Variants in DAGLA observed in about 807,000 individuals in gnomAD.
DAGLA encodes the protein diacylglycerol lipase-alpha.
Under a neutral mutation model 102.6 loss-of-function variants are expected in DAGLA, and 22 were observed. That is an observed-to-expected ratio of 0.21 (90% CI 0.15 to 0.31). The LOEUF is 0.31. DAGLA is among the 10% of genes least tolerant of loss of function. The pLI, the probability that DAGLA is intolerant of heterozygous loss-of-function variation, is 1.00. For synonymous variants in DAGLA, 578 were observed against 628.9 expected, an observed-to-expected ratio of 0.92 and a Z score of 1.21; for missense variants, 927 against 1,446.6, an observed-to-expected ratio of 0.64 and a Z score of 5.83.
At chr11:61,724,094 A>G (rs909300811) in intron 5 of DAGLA, among the ~76,000 whole-genome samples, 1 of 152,156 alleles carries the variant, frequency 6.6e-6, no homozygotes, top group African/African-American at 2.4e-5. Flanking sequence ...TTAACTAGCT[A>G]TTAAATTAGG....
Position 61,734,791 on chromosome 11 carries a change from A to C in DAGLA, c.975-58A>C. ...AACTGGTTCCAGGGACAGTGGCAGG[A>C]GACATTTGTTCCCTCGGGGACTCCC... On this transcript the variant is annotated intron_variant, in intron 9 of 19. Coordinates refer to ENST00000257215, the MANE Select transcript of DAGLA (RefSeq NM_006133.3). The surrounding 1 kb of genome is among the most constrained non-coding windows in gnomAD (Gnocchi z 4.2). The C allele has an allele frequency of 1.3e-6, 2 of 1,523,342 alleles. No individual in the cohort carries two copies. The highest frequency in any genetic ancestry group is 1.8e-6 in the Non-Finnish European group (2 of 1,113,566). 94.4% of individuals were successfully genotyped at this position (1,523,342 alleles called of 1,614,324 possible). A position where few individuals can be genotyped will look rare whatever the true frequency, so the allele number is the denominator to read the frequency against.
rs564688441 is a variant in DAGLA at position 61,729,457 on chromosome 11, C to T, written c.849+449C>T. Among the ~76,000 whole-genome samples, 489 of 152,216 alleles carry T rather than the reference C, an allele frequency of 3.2e-3. 1 individual carries two copies. Among genetic ancestry groups the T allele is most frequent in the Non-Finnish European group, 4.1e-3 (276 of 68,002 alleles). Reference sequence around the variant, plus strand: ...AGTAACATGGTGGGAGAACCCCAGCCCAGGGCCCAGCACACAGCCCAGGGC... The same window carrying T: ...AGTAACATGGTGGGAGAACCCCAGCTCAGGGCCCAGCACACAGCCCAGGGC... On this transcript the variant is annotated intron_variant, in intron 8 of 19. Coordinates refer to ENST00000257215, the MANE Select transcript of DAGLA (RefSeq NM_006133.3).
At chr11:61,736,400 C>A (rs1327175929) in intron 13 of DAGLA, 50 bp downstream of exon 13, 1 of 1,448,638 alleles carries the variant, frequency 6.9e-7, no homozygotes, top group Admixed American at 1.7e-5. Context: ...GGTCCCCCTC[C>A]TCCAACGCAG....
At chr11:61,688,781 A>G (rs2065004131) in intron 1 of DAGLA, among the ~76,000 whole-genome samples, 1 of 152,188 alleles carries the variant, frequency 6.6e-6, no homozygotes, top group Non-Finnish European at 1.5e-5. Flanking sequence ...ACCCCTCAAC[A>G]CATGCGGAAA....
chr11:61,735,491 T>G lies in DAGLA; in HGVS notation c.1129-70T>G. ...AGAGTTCCTGGCCAGGAAGGAGACC[T>G]GCCTAGGTCACTTTCCCTGAGTGTG... On this transcript the variant is annotated intron_variant, in intron 10 of 19. Coordinates refer to ENST00000257215, the MANE Select transcript of DAGLA (RefSeq NM_006133.3). 2.8e-6 allele frequency: 4 copies of G among 1,409,960 alleles called. No homozygotes were observed. The South Asian group carries it at 4.9e-5, about 17-fold the overall frequency. The allele number at this position is 1,409,960 out of a possible 1,614,324, so 87.3% of individuals were successfully genotyped here.
In DAGLA at chr11:61,737,745, C is replaced by G. The variant is rs1486962981; in HGVS notation, c.1573C>G (p.Leu525Val). The G allele has an allele frequency of 1.2e-6, 2 of 1,613,920 alleles. No individual in the cohort carries two copies. Among genetic ancestry groups the G allele is most frequent in the East Asian group, 4.5e-5 (2 of 44,880 alleles). The change falls in exon 15 of 20, where the codon CTC becomes GTC. Residue 525 changes from leucine to valine, a missense_variant. Transcript: ENST00000257215. ...FVTAVVLGKD[L>V]VPRIGLSQLE... ...GACTGCTGTGGTTCTGGGCAAAGAC[C>G]TCGTCCCCAGGTGAGTCCTTGGCCC...
At chr11:61,712,057 G>T (rs541675081) in intron 1 of DAGLA, among the ~76,000 whole-genome samples, 1 of 152,316 alleles carries the variant, frequency 6.6e-6, no homozygotes, top group South Asian at 2.1e-4. Context: ...TCTGGGTCCG[G>T]CCCAGGCTGG....
At chr11:61,741,552 G>A (rs2065480021) in intron 19 of DAGLA, among the ~76,000 whole-genome samples, 1 of 151,640 alleles carries the variant, frequency 6.6e-6, no homozygotes, top group Non-Finnish European at 1.5e-5. Flanking sequence ...TCCTACATGA[G>A]CCAGGGGAGG....
intron 15 of DAGLA, 24 bp from the exon 16 acceptor site, chr11:61,738,111 G>A (rs2240287): frequency 0.14 from 229,473 of 1,603,758 alleles, 18,280 homozygotes; most frequent in East Asian, 0.35. Flanking sequence ...CCTGGCTGAC[G>A]GCCCTGTCTC....
In DAGLA at chr11:61,728,262, C is replaced by T. The variant is rs754772897; in HGVS notation, c.746C>T (p.Ala249Val). The change falls in exon 7 of 20, where the codon GCC becomes GTC. Residue 249 changes from alanine to valine, a missense_variant. Around this residue, in one of 4 missense-constraint regions of DAGLA, gnomAD observed 231 missense variants for 439.8 expected, o/e 0.53. Coordinates refer to ENST00000257215, the MANE Select transcript of DAGLA (RefSeq NM_006133.3). ...GLVLLRQRQR[A>V]KRNAVLDEAN... ...GTGCTGCTCCGGCAGCGGCAGCGGG[C>T]CAAGCGCAACGCCGTGCTGGACGAG... 6.2e-7 allele frequency: 1 copy of T among 1,613,124 alleles called. No individual in the cohort carries two copies. Among genetic ancestry groups the T allele is most frequent in the Non-Finnish European group, 8.5e-7 (1 of 1,179,990 alleles).
intron 5 of DAGLA, among the ~76,000 whole-genome samples, chr11:61,725,648 G>A (rs2065319098): frequency 6.6e-6 from 1 of 152,164 alleles, no homozygotes; most frequent in African/African-American, 2.4e-5. Flanking sequence ...CCCCCACTTA[G>A]GGCTCCCAGC....
At chr11:61,730,971 G>A (rs563588319) in intron 8 of DAGLA, among the ~76,000 whole-genome samples, 1 of 152,318 alleles carries the variant, frequency 6.6e-6, no homozygotes, top group Admixed American at 6.5e-5. Flanking sequence ...TGCCGAGGTG[G>A]GGGGATTACT....
chr11:61,730,099 AAGCCTC>A (rs1407432753), intron 8 of DAGLA, among the ~76,000 whole-genome samples: 1 of 151,796 alleles, frequency 6.6e-6, no homozygotes, highest in East Asian at 2.0e-4. Flanking sequence ...TCCTCTAGAA[AAGCCTC>A]AGTCCTCCCT....
intron 1 of DAGLA, among the ~76,000 whole-genome samples, chr11:61,709,815 C>A (rs1403098941): frequency 6.6e-6 from 1 of 152,170 alleles, no homozygotes; most frequent in Non-Finnish European, 1.5e-5. Context: ...TCCCTGCTTG[C>A]TTCCGAGATG....
rs1322194758 is a variant in DAGLA at position 61,682,854 on chromosome 11, G to GA, written c.-45+2350_-45+2351insA. Among the ~76,000 whole-genome samples the GA allele has an allele frequency of 3.3e-5, 5 of 149,980 alleles. No individual in the cohort carries two copies. In the East Asian group the frequency reaches 7.8e-4, roughly 23 times the overall value. ...TTGAGGCTGGATGGCAGGGGGACGG[G>GA]GGGGGGAGGTGTGGAGGATGCCCTC... On this transcript the variant is annotated intron_variant, in intron 1 of 19. Coordinates refer to ENST00000257215, the MANE Select transcript of DAGLA (RefSeq NM_006133.3).
Position 61,743,901 on chromosome 11 carries a change from C to G in DAGLA, c.2541C>G (p.Ser847=), listed in dbSNP as rs760551351. The change falls in exon 20 of 20, where the codon TCC becomes TCG. Residue 847 remains serine, a synonymous_variant. Coordinates refer to ENST00000257215, the MANE Select transcript of DAGLA (RefSeq NM_006133.3). ...AGCTGCTGGCGGCCGACAGCCTGTC[C>G]AAGCACTCACAGGACACGCAGCCCC... ...RTELLAADSL[S]KHSQDTQPLE... The G allele has an allele frequency of 3.7e-6, 6 of 1,612,256 alleles. No homozygotes were observed. In the South Asian group the frequency reaches 6.6e-5, roughly 18 times the overall value.
chr11:61,735,880 C>T (rs1375685389), intron 12 of DAGLA, 64 bp downstream of exon 12: 20 of 1,451,294 alleles, frequency 1.4e-5, no homozygotes, highest in Middle Eastern at 1.9e-4. Context: ...TGTGCAGAGG[C>T]GTGTATGGTT....
chr11:61,715,964 T>G (rs2065232701), intron 1 of DAGLA, among the ~76,000 whole-genome samples: 3 of 152,298 alleles, frequency 2.0e-5, no homozygotes, highest in Admixed American at 1.3e-4. Flanking sequence ...GGGTTCTCCC[T>G]GAGCTGTCAG....
intron 1 of DAGLA, among the ~76,000 whole-genome samples, chr11:61,714,510 G>A (rs943061018): frequency 6.6e-6 from 1 of 152,242 alleles, no homozygotes; most frequent in Admixed American, 6.5e-5. Context: ...TTCTAGGAGG[G>A]TTAGGCATCT....
Sources: allele counts gnomAD v4.1 joint callset (sites outside exome capture counted in the v4.1 genomes callset), GRCh38; gene constraint gnomAD v4.1.1; regional missense constraint gnomAD v4.1.1; non-coding constraint Gnocchi (gnomAD v3.1); transcripts MANE v1.5; gene names NCBI Gene and HGNC (gene_info 2026-07-23, HGNC 2026-07-21).